Variants in BLOC1S6 observed in about 807,000 individuals in gnomAD.
The protein encoded by BLOC1S6 is biogenesis of lysosome-related organelles complex 1 subunit 6.
A neutral mutation model predicts 24.7 loss-of-function variants in BLOC1S6; 24 were observed. The ratio of observed to expected loss-of-function variants is 0.97; its 90% CI spans 0.70 to 1.37. The LOEUF (loss-of-function observed/expected upper bound fraction) is 1.37. Ranked by LOEUF, BLOC1S6 falls within the 40% of genes most tolerant of loss-of-function variation. The pLI is 0.00. For synonymous variants in BLOC1S6, 76 were observed against 72.6 expected (o/e 1.05, Z -0.23); for missense variants, 175 against 196.2 (o/e 0.89, Z 0.64).
chr15:45,603,769 AT>A lies in BLOC1S6; in HGVS notation c.312+592del, dbSNP rs993674823. ...GGAAGTAATGAACCTTTGGGGTACCATTTTTTTTTTCTTTAAAGAAAGTGCA... is the reference window on the plus strand; with the variant it reads ...GGAAGTAATGAACCTTTGGGGTACCATTTTTTTTTCTTTAAAGAAAGTGCA... On this transcript the variant is annotated intron_variant, in intron 3 of 4. Transcript: ENST00000220531. Among the ~76,000 whole-genome samples, 13 of 149,536 alleles carry A rather than the reference AT, an allele frequency of 8.7e-5. No individual in the cohort carries two copies. The South Asian group carries it at 1.1e-3, about 12-fold the overall frequency.
At chr15:45,594,545 G>A (rs1408548256) in intron 2 of BLOC1S6, among the ~76,000 whole-genome samples, 1 of 152,156 alleles carries the variant, frequency 6.6e-6, no homozygotes, top group Admixed American at 6.6e-5. Context: ...TCAAGGGAAT[G>A]AAGTTGAGTC....
At chr15:45,606,253 ATTATCCCAAAT>A in intron 4 of BLOC1S6, 131 bp from the exon 5 acceptor site, 1 of 1,260,324 alleles carries the variant, frequency 7.9e-7, no homozygotes, top group Non-Finnish European at 1.1e-6. Flanking sequence ...GGGACCTTAA[ATTATCCCAAAT>A]TTAAATGTCC....
At chr15:45,596,263 C>A (rs1009910720) in intron 2 of BLOC1S6, among the ~76,000 whole-genome samples, 42 of 151,386 alleles carry the variant, frequency 2.8e-4, no homozygotes, top group African/African-American at 1.0e-3. Flanking sequence ...AGTGGCGCAG[C>A]CTTAGCTCAC....
At chr15:45,587,295 G>A (rs1893707734), upstream of BLOC1S6, 7 of 752,416 alleles carry the variant, frequency 9.3e-6, no homozygotes, top group Non-Finnish European at 1.6e-5. Flanking sequence ...ACTCTCGAGC[G>A]CGTGATCGAA....
In BLOC1S6 at chr15:45,606,574, G is replaced by A; in HGVS notation, c.*60G>A. 1.9e-6 allele frequency: 3 copies of A among 1,610,412 alleles called. No homozygotes were observed. The highest frequency in any genetic ancestry group is 3.3e-5 in the Admixed American group (2 of 60,024). ...ATATTTGGGTTATGATGACTCAAGT[G>A]TAGACTGAAGTTGAGGTAGTGCCTT... On this transcript the variant is annotated 3_prime_UTR_variant, in exon 5 of 5. Coordinates refer to ENST00000220531, the MANE Select transcript of BLOC1S6 (RefSeq NM_012388.4).
At chr15:45,590,770 C>G (rs1232109257) in intron 1 of BLOC1S6, among the ~76,000 whole-genome samples, 1 of 152,134 alleles carries the variant, frequency 6.6e-6, no homozygotes, top group African/African-American at 2.4e-5. Context: ...AAATGTGTCA[C>G]AAGCAATGTG....
chr15:45,606,365 C>T (rs376896929), intron 4 of BLOC1S6, 30 bp from the exon 5 acceptor site: 1 of 1,611,710 alleles, frequency 6.2e-7, no homozygotes, highest in Admixed American at 1.7e-5. Context: ...TGATTGCTCT[C>T]TTGGTTTTTA....
chr15:45,601,774 C>G (rs964802956), intron 2 of BLOC1S6, among the ~76,000 whole-genome samples: 1 of 152,030 alleles, frequency 6.6e-6, no homozygotes, highest in Non-Finnish European at 1.5e-5. Context: ...TTTTGCTGTC[C>G]TGTGTATCTC....
intron 2 of BLOC1S6, among the ~76,000 whole-genome samples, chr15:45,596,498 A>T (rs1243667184): frequency 6.6e-6 from 1 of 152,052 alleles, no homozygotes; most frequent in Non-Finnish European, 1.5e-5. Context: ...GTACCTGGCC[A>T]CCATTTGTTG....
At chr15:45,589,882 C>T (rs1256233108) in intron 1 of BLOC1S6, among the ~76,000 whole-genome samples, 5 of 152,136 alleles carry the variant, frequency 3.3e-5, no homozygotes, top group Non-Finnish European at 7.4e-5. Flanking sequence ...AACTGAGACT[C>T]ATCCAATAAT....
intron 3 of BLOC1S6, among the ~76,000 whole-genome samples, chr15:45,603,710 G>A (rs549960103): frequency 1.3e-5 from 2 of 152,180 alleles, no homozygotes; most frequent in East Asian, 3.9e-4. Flanking sequence ...GGGAGACCCT[G>A]TCTCAAAAAA....
At chr15:45,596,166 G>T (rs938733814) in intron 2 of BLOC1S6, among the ~76,000 whole-genome samples, 1 of 151,546 alleles carries the variant, frequency 6.6e-6, no homozygotes, top group Admixed American at 6.6e-5. Context: ...ATTTCTTTGC[G>T]CATGGATATC....
At chr15:45,601,600 AT>A (rs1307475661) in intron 2 of BLOC1S6, among the ~76,000 whole-genome samples, 1 of 151,980 alleles carries the variant, frequency 6.6e-6, no homozygotes, top group African/African-American at 2.4e-5. Flanking sequence ...ATCAGTGGTG[AT>A]TACTGCTCTT....
At chr15:45,595,406 G>A (rs998878042) in intron 2 of BLOC1S6, among the ~76,000 whole-genome samples, 19 of 152,174 alleles carry the variant, frequency 1.2e-4, no homozygotes, top group Non-Finnish European at 4.4e-5. Context: ...AGAAACCTGG[G>A]ACAAAGATCA....
At chr15:45,597,767 GT>G in intron 2 of BLOC1S6, 1 of 202,962 alleles carries the variant, frequency 4.9e-6, no homozygotes, top group South Asian at 5.6e-5. Context: ...GAGGTTTCTT[GT>G]TGAATCTTTG....
intron 1 of BLOC1S6, among the ~76,000 whole-genome samples, chr15:45,591,165 T>G (rs1595552208): frequency 6.6e-6 from 1 of 152,336 alleles, no homozygotes; most frequent in South Asian, 2.1e-4. Flanking sequence ...TTGCTGAATC[T>G]TAAGAGAGAA....
chr15:45,592,340 T>C, intron 2 of BLOC1S6, 64 bp downstream of exon 2: 2 of 1,566,908 alleles, frequency 1.3e-6, no homozygotes, highest in East Asian at 2.2e-5. Flanking sequence ...ATTTGTATAA[T>C]TGTATACTGT....
chr15:45,605,341 A>C (rs1894409782), intron 3 of BLOC1S6, 87 bp from the exon 4 acceptor site: 1 of 1,094,146 alleles, frequency 9.1e-7, no homozygotes, highest in African/African-American at 1.6e-5. Context: ...AGGAAGCACA[A>C]ACTATCATTT....
chr15:45,604,495 T>A (rs1231660273), intron 3 of BLOC1S6, among the ~76,000 whole-genome samples: 2 of 152,112 alleles, frequency 1.3e-5, no homozygotes, highest in Non-Finnish European at 2.9e-5. Flanking sequence ...TGAATGAATG[T>A]TGAATGAATT....
Sources: allele counts gnomAD v4.1 joint callset (sites outside exome capture counted in the v4.1 genomes callset), GRCh38; gene constraint gnomAD v4.1.1; transcripts MANE v1.5; gene names NCBI Gene and HGNC (gene_info 2026-07-23, HGNC 2026-07-21).